STAU1: variants seen among roughly 807,000 people sequenced by gnomAD.
The protein encoded by STAU1 is double-stranded RNA-binding protein Staufen homolog 1.
STAU1 carries 13 observed loss-of-function variants against 62.9 expected under a neutral mutation model. The ratio of observed to expected loss-of-function variants is 0.21; its 90% CI spans 0.13 to 0.33. The LOEUF is 0.33. Ranked by LOEUF, STAU1 falls within the 10% of genes least tolerant of loss-of-function variation. The pLI is 1.00. For synonymous variants in STAU1, 269 were observed against 265.1 expected, an observed-to-expected ratio of 1.01 and a Z score of -0.14; for missense variants, 571 against 712.1, an observed-to-expected ratio of 0.80 and a Z score of 2.25.
At chr20:49,164,478 A>G (rs2093496364) in intron 3 of STAU1, among the ~76,000 whole-genome samples, 1 of 150,244 alleles carries the variant, frequency 6.7e-6, no homozygotes, top group Admixed American at 6.6e-5. Flanking sequence ...TTTTGTATAG[A>G]TGGGATTTCA....
chr20:49,195,898 C>CAAAAAAAAAAAAAAA, the STAU1 span, among the ~76,000 whole-genome samples: 8 of 33,868 alleles, frequency 2.4e-4, no homozygotes, highest in East Asian at 1.8e-3. Flanking sequence ...AACTTCCTCT[C>CAAAAAAAAAAAAAAA]AAAAAAAAAA....
chr20:49,171,200 T>C (rs1036172156), intron 2 of STAU1, among the ~76,000 whole-genome samples: 1 of 152,248 alleles, frequency 6.6e-6, no homozygotes, highest in Non-Finnish European at 1.5e-5. Flanking sequence ...TTAAAAAACA[T>C]CAAGGAATAA....
intron 2 of STAU1, among the ~76,000 whole-genome samples, chr20:49,171,622 T>G (rs1433081821): frequency 6.6e-6 from 1 of 152,164 alleles, no homozygotes; most frequent in Non-Finnish European, 1.5e-5. Context: ...TTCTGACACA[T>G]CTTTCTTGCT....
Position 49,117,067 on chromosome 20 carries a change from C to G in STAU1, c.1632+59G>C. On this transcript the variant is annotated intron_variant, in intron 12 of 13. Coordinates refer to ENST00000371856, the MANE Select transcript of STAU1 (RefSeq NM_017453.4). This position sits in a 1 kb window ranked among gnomAD's most constrained non-coding sequence, Gnocchi z 4.6. ...TCCTCAGGCTAGTAACAAGCTGAAC[C>G]AAGGCAGGCTCCACATAAACACACA... 1 of 1,601,584 alleles carries G rather than the reference C, an allele frequency of 6.2e-7. No individual in the cohort carries two copies. The highest frequency in any genetic ancestry group is 8.5e-7 in the Non-Finnish European group (1 of 1,173,308).
At chr20:49,206,414 GTTTT>G in the STAU1 span, among the ~76,000 whole-genome samples, 5 of 76,596 alleles carry the variant, frequency 6.5e-5, no homozygotes, top group Non-Finnish European at 9.4e-5. Context: ...CTTCCTTCTG[GTTTT>G]TTTTTTTTTT....
intron 4 of STAU1, among the ~76,000 whole-genome samples, 182 bp downstream of exon 4, chr20:49,153,751 G>GA (rs1387306973): frequency 2.8e-5 from 3 of 108,074 alleles, no homozygotes; most frequent in Admixed American, 9.6e-5. Context: ...AAGAAAGAAA[G>GA]AAAAAAAAGA....
chr20:49,114,596 G>GATCATCA lies in STAU1; in HGVS notation c.*281_*282insTGATGAT. ...AGGGTGTGGATCTGCTGGTGTCCCG[G>GATCATCA]GAGAACCAGCTGGCTGGGCAGCCCT... On this transcript the variant is annotated 3_prime_UTR_variant, in exon 14 of 14. Transcript: ENST00000371856. 2.3e-6 allele frequency: 1 copy of GATCATCA among 429,140 alleles called. No individual in the cohort carries two copies. The allele number at this position is 429,140 out of a possible 1,614,324, so 26.6% of individuals were successfully genotyped here. A position where few individuals can be genotyped will look rare whatever the true frequency, so the allele number is the denominator to read the frequency against.
the STAU1 span, among the ~76,000 whole-genome samples, chr20:49,215,025 G>C: frequency 6.6e-6 from 1 of 152,216 alleles, no homozygotes; most frequent in East Asian, 1.9e-4. Context: ...GTCTGAGGTT[G>C]CTAGTCCAAG....
intron 2 of STAU1, among the ~76,000 whole-genome samples, chr20:49,170,238 G>A (rs1293653253): frequency 6.6e-6 from 1 of 152,236 alleles, no homozygotes; most frequent in Non-Finnish European, 1.5e-5. Flanking sequence ...AGAACTATCT[G>A]CAATCGTGCT....
At chr20:49,219,260 C>T in the STAU1 span, 1 of 1,287,778 alleles carries the variant, frequency 7.8e-7, no homozygotes, top group Non-Finnish European at 1.1e-6. Context: ...CCCTTGATGG[C>T]GTCACACGAA....
intron 3 of STAU1, among the ~76,000 whole-genome samples, chr20:49,162,426 TG>T (rs2093462509): frequency 6.6e-6 from 1 of 152,076 alleles, no homozygotes; most frequent in African/African-American, 2.4e-5. Flanking sequence ...CAAGGAATTG[TG>T]GGGGTGGCAT....
At chr20:49,213,525 G>C in the STAU1 span, among the ~76,000 whole-genome samples, 4 of 152,152 alleles carry the variant, frequency 2.6e-5, no homozygotes, top group Admixed American at 1.3e-4. Flanking sequence ...ACCGCGCCTG[G>C]CCTATTTGCT....
At chr20:49,215,642 A>G in the STAU1 span, among the ~76,000 whole-genome samples, 1 of 152,218 alleles carries the variant, frequency 6.6e-6, no homozygotes, top group Non-Finnish European at 1.5e-5. Flanking sequence ...ACTACTCAAT[A>G]GTAGAATATT....
At position 49,120,219 on chromosome 20, in the gene STAU1, T is replaced by C. The variant is rs892968350; in HGVS notation, c.967-91A>G. The C allele has an allele frequency of 3.4e-6, 5 of 1,449,364 alleles. No homozygotes were observed. The Admixed American group carries it at 6.7e-5, about 19-fold the overall frequency. 89.8% of individuals were successfully genotyped at this position (1,449,364 alleles called of 1,614,324 possible). A position where few individuals can be genotyped will look rare whatever the true frequency, so the allele number is the denominator to read the frequency against. On this transcript the variant is annotated intron_variant, in intron 8 of 13. Coordinates refer to ENST00000371856, the MANE Select transcript of STAU1 (RefSeq NM_017453.4). Reference sequence around the variant, plus strand: ...GGTGTGTCAGCAAAATAACCAACTATGGTCAGAAGCAAGATAACAGCAGTG... The same window carrying C: ...GGTGTGTCAGCAAAATAACCAACTACGGTCAGAAGCAAGATAACAGCAGTG...
At chr20:49,181,459 T>C (rs1409233081) in intron 1 of STAU1, among the ~76,000 whole-genome samples, 3 of 152,116 alleles carry the variant, frequency 2.0e-5, no homozygotes, top group African/African-American at 7.2e-5. Context: ...ACCAGTTCTG[T>C]AGCTACATCA....
chr20:49,212,615 A>ATTTTTTTTTT, the STAU1 span, among the ~76,000 whole-genome samples: 871 of 85,184 alleles, frequency 0.01, 94 homozygotes, highest in Admixed American at 0.058. Flanking sequence ...AGCTATTGGA[A>ATTTTTTTTTT]TTTTTTTTTT....
chr20:49,153,427 C>T (rs2093294635), intron 4 of STAU1, among the ~76,000 whole-genome samples: 1 of 150,552 alleles, frequency 6.6e-6, no homozygotes, highest in African/African-American at 2.4e-5. Context: ...GAGGCGCAGC[C>T]AGGTGTGGTG....
At chr20:49,173,910 T>C (rs2093627788) in intron 2 of STAU1, among the ~76,000 whole-genome samples, 2 of 152,222 alleles carry the variant, frequency 1.3e-5, no homozygotes, top group South Asian at 2.1e-4. Flanking sequence ...AAAGATACTA[T>C]GACCAAGAAG....
Position 49,118,007 on chromosome 20 carries a change from C to G in STAU1, c.1279G>C (p.Ala427Pro). The change falls in exon 11 of 14, where the codon GCT becomes CCT. Residue 427 changes from alanine (A) to proline (P), a missense_variant. Around this residue, in one of 3 missense-constraint regions of STAU1, gnomAD observed 156 missense variants for 194.7 expected, o/e 0.80. Transcript: ENST00000371856. The part of the protein sequence containing the change: ...ILPMVPEVAQ[A>P]VGVSQGHHTK... The stretch of plus-strand genomic sequence containing the variant: ...TGATGTCCTTGACTAACTCCTACAG[C>G]CTGGGCGACCTCGGGCACCATGGGA... 6.2e-7 allele frequency: 1 copy of G among 1,614,158 alleles called. No individual in the cohort carries two copies. The highest frequency in any genetic ancestry group is 8.5e-7 in the Non-Finnish European group (1 of 1,180,026).
Sources: gnomAD v4.1 joint callset for allele counts (sites outside exome capture counted in the v4.1 genomes callset) on GRCh38, gnomAD v4.1.1 for gene constraint, gnomAD v4.1.1 regional missense constraint, Gnocchi (gnomAD v3.1) non-coding constraint, MANE v1.5 for transcripts, NCBI Gene and HGNC (gene_info 2026-07-23, HGNC 2026-07-21) for gene names.